CD247: variants seen among roughly 807,000 people sequenced by gnomAD.
The protein encoded by CD247 is CD247 molecule, also known as T-cell surface glycoprotein CD3 zeta chain.
In CD247, 13 loss-of-function variants were observed where a neutral mutation model predicts 30.0. The ratio of observed to expected loss-of-function variants is 0.43; its 90% confidence interval spans 0.28 to 0.69. CD247 has a LOEUF of 0.69. Among genes scored for constraint, CD247 ranks in the 30% least tolerant of loss-of-function variants. The pLI is 0.16. For missense variants in CD247, 193 were observed against 212.6 expected, an observed-to-expected ratio of 0.91 and a Z score of 0.57; for synonymous variants, 72 against 80.0, an observed-to-expected ratio of 0.90 and a Z score of 0.53.
At chr1:167,437,279 C>A (rs1651591094) in intron 4 of CD247, among the ~76,000 whole-genome samples, 1 of 152,128 alleles carries the variant, frequency 6.6e-6, no homozygotes, top group African/African-American at 2.4e-5. Flanking sequence ...GTGGCGCATG[C>A]CTGTAATCCC....
rs570389544 is a variant in CD247, at chr1:167,494,710, G to A, written c.58+23698C>T. On this transcript the variant is annotated intron_variant, in intron 1 of 7. Transcript: ENST00000362089. This position sits in a 1 kb window ranked among gnomAD's most constrained non-coding sequence, Gnocchi z 7.3. ...AAAGATCATGAGTAGTGCATTCCTC[G>A]GCATTTTGTATCTCCTATAATTCCT... Among the ~76,000 whole-genome samples, 20 of 152,256 alleles carry A rather than the reference G, an allele frequency of 1.3e-4. No homozygotes were observed. The highest frequency in any genetic ancestry group is 6.2e-4 in the South Asian group (3 of 4,824).
intron 1 of CD247, among the ~76,000 whole-genome samples, chr1:167,455,902 G>A (rs1652632009): frequency 6.6e-6 from 1 of 152,178 alleles, no homozygotes; most frequent in African/African-American, 2.4e-5. Flanking sequence ...GGCTCCGGCT[G>A]GCCCGGCACA....
At chr1:167,447,727 G>A (rs996971865) in intron 1 of CD247, among the ~76,000 whole-genome samples, 6 of 152,080 alleles carry the variant, frequency 3.9e-5, no homozygotes, top group Non-Finnish European at 5.9e-5. Context: ...CCTGGTAAGC[G>A]CTCAGTTTGT....
chr1:167,509,390 AG>A (rs376169069), intron 1 of CD247, among the ~76,000 whole-genome samples: 7 of 150,476 alleles, frequency 4.7e-5, no homozygotes, highest in East Asian at 2.0e-4. Flanking sequence ...AAAAAAAAAA[AG>A]AAAAGAAAAG....
chr1:167,495,809 G>T (rs547676961), intron 1 of CD247, among the ~76,000 whole-genome samples: 1 of 152,042 alleles, frequency 6.6e-6, no homozygotes, highest in Non-Finnish European at 1.5e-5. Context: ...TGGCTTGCTC[G>T]CTCACTTCCT....
At chr1:167,506,294 CT>C (rs1655126809) in intron 1 of CD247, among the ~76,000 whole-genome samples, 1 of 110,910 alleles carries the variant, frequency 9.0e-6, no homozygotes, top group African/African-American at 3.6e-5. Flanking sequence ...TTTCTTTTTT[CT>C]TTTCTTTTCC....
intron 1 of CD247, among the ~76,000 whole-genome samples, chr1:167,496,937 G>A (rs963782106): frequency 2.6e-5 from 4 of 152,208 alleles, no homozygotes; most frequent in East Asian, 1.9e-4. Flanking sequence ...CCCGGAGAGC[G>A]GGGACACTGA....
chr1:167,508,343 G>A (rs1157682698), intron 1 of CD247, among the ~76,000 whole-genome samples: 1 of 151,718 alleles, frequency 6.6e-6, no homozygotes, highest in African/African-American at 2.4e-5. Context: ...TACAGCATTT[G>A]CAATGGGCAG....
At chr1:167,492,880 G>A (rs968954303) in intron 1 of CD247, among the ~76,000 whole-genome samples, 1 of 152,130 alleles carries the variant, frequency 6.6e-6, no homozygotes, top group Non-Finnish European at 1.5e-5. Context: ...GCGTCTGCTA[G>A]GGGCAGAGAG....
chr1:167,472,153 G>T (rs781060094), intron 1 of CD247, among the ~76,000 whole-genome samples: 3 of 152,108 alleles, frequency 2.0e-5, no homozygotes, highest in Non-Finnish European at 4.4e-5. Flanking sequence ...TTCTAAGAGC[G>T]TGTTACATAT....
At chr1:167,498,587 T>TAGCTCCAACTGGGCCC (rs1229504848) in intron 1 of CD247, among the ~76,000 whole-genome samples, 1 of 152,254 alleles carries the variant, frequency 6.6e-6, no homozygotes, top group Non-Finnish European at 1.5e-5. Context: ...GCTATGGGCC[T>TAGCTCCAACTGGGCCC]AGCTCCATCT....
intron 1 of CD247, among the ~76,000 whole-genome samples, chr1:167,493,233 G>A (rs367979317): frequency 4.6e-5 from 7 of 151,712 alleles, no homozygotes; most frequent in East Asian, 3.9e-4. Flanking sequence ...AGTAGAGACA[G>A]GGCTTCACCA....
chr1:167,450,871 C>T (rs1652320808), intron 1 of CD247, among the ~76,000 whole-genome samples: 1 of 149,454 alleles, frequency 6.7e-6, no homozygotes, highest in African/African-American at 2.5e-5. Context: ...TGAGATCGAG[C>T]CACTGCAATC....
intron 1 of CD247, among the ~76,000 whole-genome samples, chr1:167,487,807 T>G (rs1049895346): frequency 6.6e-6 from 1 of 152,382 alleles, no homozygotes; most frequent in Non-Finnish European, 1.5e-5. Context: ...CACTGTGCAC[T>G]GTGGCCTCAA....
chr1:167,503,253 A>T (rs1202633902), intron 1 of CD247, among the ~76,000 whole-genome samples: 1 of 152,098 alleles, frequency 6.6e-6, no homozygotes, highest in Non-Finnish European at 1.5e-5. Flanking sequence ...CATGCCCTGA[A>T]TTGCAAAGTT....
At chr1:167,451,051 A>G (rs981873170) in intron 1 of CD247, among the ~76,000 whole-genome samples, 3 of 151,838 alleles carry the variant, frequency 2.0e-5, no homozygotes, top group Non-Finnish European at 4.4e-5. Flanking sequence ...TCTGTCAGGG[A>G]AGGGCACTCC....
intron 1 of CD247, among the ~76,000 whole-genome samples, chr1:167,489,202 C>G (rs1253189424): frequency 6.6e-6 from 1 of 152,096 alleles, no homozygotes; most frequent in Non-Finnish European, 1.5e-5. Flanking sequence ...CCCCCCTTCC[C>G]CACCCCAAAC....
chr1:167,438,173 C>T (rs949063070), intron 4 of CD247, among the ~76,000 whole-genome samples: 2 of 152,160 alleles, frequency 1.3e-5, no homozygotes, highest in Admixed American at 1.3e-4. Context: ...GGTCAAACCC[C>T]CCAGGGACCA....
intron 1 of CD247, among the ~76,000 whole-genome samples, chr1:167,480,925 T>C (rs1653947176): frequency 6.6e-6 from 1 of 152,252 alleles, no homozygotes; most frequent in South Asian, 2.1e-4. Context: ...GGCTGACATA[T>C]AGCACAATTA....
Sources: gnomAD v4.1 joint callset for allele counts (sites outside exome capture counted in the v4.1 genomes callset) on GRCh38, gnomAD v4.1.1 for gene constraint, Gnocchi (gnomAD v3.1) non-coding constraint, MANE v1.5 for transcripts, NCBI Gene and HGNC (gene_info 2026-07-23, HGNC 2026-07-21) for gene names.